The following SNX14 variants were observed in gnomAD, a reference collection of about 807,000 sequenced individuals.
SNX14 encodes the protein sorting nexin-14.
A neutral mutation model predicts 133.8 loss-of-function variants in SNX14; 93 were observed. The observed-to-expected ratio is 0.70, with a 90% CI of 0.59 to 0.83. The LOEUF (loss-of-function observed/expected upper bound fraction) is 0.83. SNX14 is among the 40% of genes least tolerant of loss of function. The pLI, the probability that SNX14 is intolerant of heterozygous loss-of-function variation, is 0.00. For missense variants in SNX14, 945 were observed against 1,094.9 expected, an observed-to-expected ratio of 0.86 and a Z score of 1.93; for synonymous variants, 368 against 365.6, an observed-to-expected ratio of 1.01 and a Z score of -0.07.
At chr6:85,563,380 C>G (rs961283442) in intron 6 of SNX14, among the ~76,000 whole-genome samples, 1 of 151,952 alleles carries the variant, frequency 6.6e-6, no homozygotes. Flanking sequence ...AAATACAGCT[C>G]GAGAAAAATA....
At chr6:85,586,211 G>A (rs893231745) in intron 1 of SNX14, among the ~76,000 whole-genome samples, 1 of 152,206 alleles carries the variant, frequency 6.6e-6, no homozygotes, top group Non-Finnish European at 1.5e-5. Context: ...ATGATGGCCT[G>A]TGGACAAAAG....
At chr6:85,545,637 T>C (rs943005211) in intron 12 of SNX14, among the ~76,000 whole-genome samples, 2 of 152,188 alleles carry the variant, frequency 1.3e-5, no homozygotes, top group Non-Finnish European at 2.9e-5. Flanking sequence ...TTAAAAGATA[T>C]ATGCATTCAT....
intron 6 of SNX14, among the ~76,000 whole-genome samples, chr6:85,559,073 A>C (rs1790710940): frequency 6.6e-6 from 1 of 152,186 alleles, no homozygotes; most frequent in Non-Finnish European, 1.5e-5. Context: ...AAATTCCATC[A>C]CAACAGTGTT....
Position 85,549,859 on chromosome 6 carries a change from G to A in SNX14, c.655C>T (p.Gln219Ter), listed in dbSNP as rs771913014. 1.2e-6 allele frequency: 2 copies of A among 1,606,766 alleles called. No homozygotes were observed. Among genetic ancestry groups the A allele is most frequent in the East Asian group, 2.2e-5 (1 of 44,650 alleles). ...CCATATTCTTCTAAAGCAGCTTGCT[G>A]TAAAAACTCTGTATTTTTTACTATA... is the stretch of plus-strand genomic sequence containing the variant. ...RQKVKNTEFL[Q>*]QAALEEYGPE... is the part of the protein sequence containing the mutation. Residue 219 changes from glutamine (Q) to a stop codon, truncating the protein, a stop_gained, in exon 8 of 29, where the codon CAG becomes TAG. Coordinates refer to ENST00000314673, the MANE Select transcript of SNX14 (RefSeq NM_153816.6). LOFTEE classifies it high-confidence loss of function.
intron 1 of SNX14, among the ~76,000 whole-genome samples, chr6:85,579,310 C>G (rs1465666705): frequency 1.3e-5 from 2 of 151,644 alleles, no homozygotes; most frequent in Non-Finnish European, 2.9e-5. Context: ...AAGCAAAAAG[C>G]AAAAAAAGTA....
At chr6:85,581,869 C>G (rs1458396237) in intron 1 of SNX14, 2 of 152,064 alleles carry the variant, frequency 1.3e-5, no homozygotes, top group African/African-American at 4.8e-5. Flanking sequence ...AAGGGCAAAT[C>G]TAAGAGTTAC....
chr6:85,506,198 T>C lies in SNX14; in HGVS notation c.2803-193A>G, dbSNP rs192260917. Among the ~76,000 whole-genome samples, 186 of 152,328 alleles carry C rather than the reference T, an allele frequency of 1.2e-3. 1 individual carries two copies. The highest frequency in any genetic ancestry group is 4.1e-3 in the African/African-American group (172 of 41,578). On this transcript the variant is annotated intron_variant, in intron 28 of 28. Transcript: ENST00000314673. ...AAAAGGCAACGTTTAATGACAGCTC[T>C]GTTATGAAGTCTCAAACAGAGCTAA... is the stretch of plus-strand genomic sequence containing the variant.
intron 20 of SNX14, among the ~76,000 whole-genome samples, chr6:85,526,655 T>C (rs1054285978): frequency 6.6e-6 from 1 of 152,234 alleles, no homozygotes; most frequent in African/African-American, 2.4e-5. Flanking sequence ...GATAGCATGA[T>C]ACAGCTGTCC....
chr6:85,560,805 G>A (rs1243143632), intron 6 of SNX14, among the ~76,000 whole-genome samples: 2 of 151,524 alleles, frequency 1.3e-5, no homozygotes, highest in East Asian at 3.9e-4. Context: ...AGACCGAGGT[G>A]GGTGAATCAC....
Position 85,548,376 on chromosome 6 carries a change from T to C in SNX14, c.792A>G (p.Arg264=), listed in dbSNP as rs1786485276. 2 of 1,582,732 alleles carry C rather than the reference T, an allele frequency of 1.3e-6. No homozygotes were observed. Among genetic ancestry groups the C allele is most frequent in the African/African-American group, 2.7e-5 (2 of 73,204 alleles). ...TCTCTCTTATAAGTAAGGTCAGAGA[T>C]CTGGAAAAAGAAATAATAATAATTG... The part of the protein sequence containing the change: ...YILPPKATDC[R]SLTLLIREIL... Residue 264 remains arginine (R), a splice_region_variant and synonymous_variant, in exon 9 of 29, where the codon AGA becomes AGG. Coordinates refer to ENST00000314673, the MANE Select transcript of SNX14 (RefSeq NM_153816.6).
intron 26 of SNX14, 37 bp from the exon 27 acceptor site, chr6:85,508,096 T>G (rs1268562819): frequency 6.3e-7 from 1 of 1,592,684 alleles, no homozygotes; most frequent in Non-Finnish European, 8.6e-7. Context: ...AATTTTATAT[T>G]ATAAAGTGAC....
intron 7 of SNX14, among the ~76,000 whole-genome samples, chr6:85,555,996 A>T (rs796149529): frequency 1.4e-5 from 2 of 143,760 alleles, no homozygotes; most frequent in African/African-American, 2.6e-5. Context: ...CTCAAAAAAT[A>T]AAAAAAAAAA....
intron 18 of SNX14, among the ~76,000 whole-genome samples, chr6:85,530,985 T>C (rs1415767318): frequency 2.0e-5 from 3 of 152,176 alleles, no homozygotes; most frequent in Non-Finnish European, 4.4e-5. Flanking sequence ...AGCAGTACTA[T>C]CCAATAGAAC....
At chr6:85,549,600 T>G (rs920940286) in intron 8 of SNX14, 123 bp downstream of exon 8, 8 of 600,152 alleles carry the variant, frequency 1.3e-5, no homozygotes, top group African/African-American at 1.9e-5. Context: ...AATAAATTTT[T>G]TCAAATGAAA....
intron 2 of SNX14, among the ~76,000 whole-genome samples, chr6:85,573,847 T>C (rs1796441325): frequency 6.6e-6 from 1 of 152,202 alleles, no homozygotes; most frequent in African/African-American, 2.4e-5. Flanking sequence ...ACAACCAGCT[T>C]TGAGAACCTG....
rs149833991 is a variant in SNX14, at chr6:85,562,866, G to A, written c.549+2466C>T. 3.0e-3 allele frequency among the ~76,000 whole-genome samples: 455 copies of A among 152,152 alleles called. 3 individuals are homozygous for A. The highest frequency in any genetic ancestry group is 0.01 in the African/African-American group (424 of 41,510). The stretch of plus-strand genomic sequence containing the variant: ...CTCAGCCACCTCAGATTACAGGCAT[G>A]AGCCACGGTGCATGGCCTGGAGTAT... On this transcript the variant is annotated intron_variant, in intron 6 of 28. Transcript: ENST00000314673.
chr6:85,558,047 G>C lies in SNX14; in HGVS notation c.563C>G (p.Ser188Cys). 6.4e-7 allele frequency: 1 copy of C among 1,552,020 alleles called. No homozygotes were observed. Among genetic ancestry groups the C allele is most frequent in the Non-Finnish European group, 8.8e-7 (1 of 1,130,896 alleles). Residue 188 changes from serine to cysteine, a missense_variant, in exon 7 of 29, where the codon TCT becomes TGT. Ser to Cys is a moderately radical substitution (Grantham distance 112, BLOSUM62 -1). Transcript: ENST00000314673. ...IRRIHKVDIP[S>C]IITKKLLKAA... ...TTTTAATAGTTTCTTGGTTATAATA[G>C]ATGGAATATCCACCTAGAAAAATTC...
At chr6:85,541,208 G>T (rs1391727149) in intron 15 of SNX14, among the ~76,000 whole-genome samples, 1 of 152,018 alleles carries the variant, frequency 6.6e-6, no homozygotes. Context: ...GGCCAGACTG[G>T]TCTCAAACTC....
chr6:85,572,279 A>G lies in SNX14; in HGVS notation c.338+19T>C, dbSNP rs1186939593. The G allele has an allele frequency of 6.2e-7, 1 of 1,611,118 alleles. No homozygotes were observed. The highest frequency in any genetic ancestry group is 1.1e-5 in the South Asian group (1 of 90,804). On this transcript the variant is annotated intron_variant, in intron 3 of 28. Coordinates refer to ENST00000314673, the MANE Select transcript of SNX14 (RefSeq NM_153816.6). ...AATGTAATTAGAAGGATCAACAAAT[A>G]AAAAAATATTTAACTTACCTATGTC...
Sources: allele counts gnomAD v4.1 joint callset (sites outside exome capture counted in the v4.1 genomes callset), GRCh38; gene constraint gnomAD v4.1.1; transcripts MANE v1.5; gene names NCBI Gene and HGNC (gene_info 2026-07-23, HGNC 2026-07-21).